The following CSMD2 variants were observed in gnomAD, a reference collection of about 807,000 sequenced individuals.
The protein encoded by CSMD2 is CUB and sushi domain-containing protein 2.
CSMD2 carries 130 observed loss-of-function variants against 398.5 expected under a neutral mutation model. The ratio of observed to expected loss-of-function variants is 0.33; its 90% CI spans 0.28 to 0.38. The LOEUF (loss-of-function observed/expected upper bound fraction) is 0.38, where lower values mean the gene tolerates loss of function less well. Among genes scored for constraint, CSMD2 ranks in the 10% least tolerant of loss-of-function variants. The probability of loss-of-function intolerance (pLI) is 1.00; values close to 1 mark genes in which losing one functional copy is unlikely to be tolerated. For synonymous variants in CSMD2, 1,828 were observed against 1,908.5 expected (o/e 0.96, Z 1.10); for missense variants, 3,829 against 4,764.9 (o/e 0.80, Z 5.78).
At chr1:33,788,977 A>G (rs1387879898) in intron 11 of CSMD2, among the ~76,000 whole-genome samples, 1 of 151,838 alleles carries the variant, frequency 6.6e-6, no homozygotes, top group Non-Finnish European at 1.5e-5. Context: ...TTGGGCTCAC[A>G]AGGGAGATCT....
intron 47 of CSMD2, among the ~76,000 whole-genome samples, chr1:33,582,299 A>G (rs1638779848): frequency 6.6e-6 from 1 of 152,226 alleles, no homozygotes; most frequent in Admixed American, 6.5e-5. Context: ...GGGATCTACG[A>G]AGATGGCTCA....
chr1:34,052,046 T>A (rs2148226463), intron 2 of CSMD2, among the ~76,000 whole-genome samples: 2 of 152,122 alleles, frequency 1.3e-5, no homozygotes, highest in South Asian at 4.2e-4. Context: ...TCTTCTCTCG[T>A]CTTCTGATGG....
chr1:34,047,997 C>T (rs1240443496), intron 2 of CSMD2, among the ~76,000 whole-genome samples: 1 of 152,216 alleles, frequency 6.6e-6, no homozygotes, highest in Non-Finnish European at 1.5e-5. Flanking sequence ...CAGATGCAGA[C>T]TTCATTTACT....
chr1:33,864,752 ATGG>A, intron 5 of CSMD2: 1 of 1,598,496 alleles, frequency 6.3e-7, no homozygotes, highest in South Asian at 1.1e-5. Context: ...GGCAGAGCTG[ATGG>A]ATCCAGTTTG....
chr1:33,633,510 A>G lies in CSMD2; in HGVS notation c.5112T>C (p.Phe1704=). 1.3e-6 allele frequency: 2 copies of G among 1,552,768 alleles called. No homozygotes were observed. The highest frequency in any genetic ancestry group is 2.4e-5 in the South Asian group (2 of 84,096). ...CCACCACGTCGTTGAGGGCCGTGTG[A>G]AAGAAGGCGAACTGGCCAAACACCA... is the stretch of plus-strand genomic sequence containing the variant. ...DYVVFGQFAF[F]HTALNDVVEV... Residue 1704 remains phenylalanine, a synonymous_variant, in exon 32 of 71, where the codon TTT becomes TTC. Transcript: ENST00000373381. The surrounding 1 kb of genome is among the most constrained non-coding windows in gnomAD (Gnocchi z 5.0).
intron 40 of CSMD2, among the ~76,000 whole-genome samples, chr1:33,612,687 T>C (rs1641090993): frequency 6.6e-6 from 1 of 151,620 alleles, no homozygotes. Context: ...TGATGGTTTT[T>C]TTTTTTTTTT....
chr1:34,103,540 C>T (rs1013431345), intron 1 of CSMD2, among the ~76,000 whole-genome samples: 2 of 152,036 alleles, frequency 1.3e-5, no homozygotes, highest in South Asian at 4.2e-4. Flanking sequence ...TGCGATTCGC[C>T]CACCTCGGCC....
intron 22 of CSMD2, among the ~76,000 whole-genome samples, chr1:33,706,815 T>C (rs529085106): frequency 6.6e-5 from 10 of 151,598 alleles, no homozygotes; most frequent in African/African-American, 2.4e-4. Flanking sequence ...TGCATGTGTT[T>C]GTGCGTGCGT....
chr1:33,900,461 T>G (rs1642674267), intron 5 of CSMD2, among the ~76,000 whole-genome samples: 1 of 152,178 alleles, frequency 6.6e-6, no homozygotes, highest in African/African-American at 2.4e-5. Context: ...CTTAATCTCT[T>G]TATGATAATA....
chr1:33,652,578 C>A (rs992366483), intron 27 of CSMD2, 117 bp from the exon 28 acceptor site: 5 of 1,210,150 alleles, frequency 4.1e-6, no homozygotes, highest in African/African-American at 3.0e-5. Context: ...TGAAGTTGAA[C>A]CTGGCTTAGG....
intron 4 of CSMD2, among the ~76,000 whole-genome samples, chr1:33,929,343 G>A (rs1049620869): frequency 6.7e-6 from 1 of 150,048 alleles, no homozygotes; most frequent in Non-Finnish European, 1.5e-5. Context: ...TATCCAGAGT[G>A]ATCTTTTAAA....
chr1:34,117,595 C>G (rs1251611350), intron 1 of CSMD2, among the ~76,000 whole-genome samples: 1 of 151,204 alleles, frequency 6.6e-6, no homozygotes, highest in African/African-American at 2.4e-5. Flanking sequence ...AGAACACTTC[C>G]AAAATAATTT....
intron 2 of CSMD2, among the ~76,000 whole-genome samples, chr1:34,067,339 C>G (rs773612920): frequency 1.3e-5 from 2 of 152,178 alleles, no homozygotes; most frequent in African/African-American, 2.4e-5. Flanking sequence ...AGATGTAAAT[C>G]TGAGCAAGGA....
At position 33,889,391 on chromosome 1, in the gene CSMD2, T is replaced by C. The variant is rs114135865; in HGVS notation, c.920+28703A>G. 3.4e-3 allele frequency among the ~76,000 whole-genome samples: 516 copies of C among 152,222 alleles called. 5 individuals carry two copies. Among genetic ancestry groups the C allele is most frequent in the African/African-American group, 0.012 (508 of 41,524 alleles). On this transcript the variant is annotated intron_variant, in intron 5 of 70. Transcript: ENST00000373381. ...AGATGGATAAAAACAAAACTTTAATTTGGAAAAGAGTTAGGGAAATAGCCA... is the reference window on the plus strand; with the variant it reads ...AGATGGATAAAAACAAAACTTTAATCTGGAAAAGAGTTAGGGAAATAGCCA...
intron 29 of CSMD2, among the ~76,000 whole-genome samples, chr1:33,642,120 G>A (rs1473828132): frequency 6.6e-6 from 1 of 152,046 alleles, no homozygotes; most frequent in Non-Finnish European, 1.5e-5. Flanking sequence ...GCCAAGGTGG[G>A]TGGATCACTG....
chr1:33,978,404 C>T (rs1646045574), intron 3 of CSMD2, among the ~76,000 whole-genome samples: 1 of 152,318 alleles, frequency 6.6e-6, no homozygotes, highest in Admixed American at 6.5e-5. Context: ...CGGTGCTGAG[C>T]ATGACACATC....
chr1:34,146,708 A>G (rs954408912), intron 1 of CSMD2, among the ~76,000 whole-genome samples: 3 of 152,216 alleles, frequency 2.0e-5, no homozygotes, highest in Non-Finnish European at 4.4e-5. Context: ...GATGAGTCCC[A>G]GGTTTCTGGC....
At chr1:34,109,576 C>T (rs1205057034) in intron 1 of CSMD2, among the ~76,000 whole-genome samples, 1 of 152,126 alleles carries the variant, frequency 6.6e-6, no homozygotes, top group African/African-American at 2.4e-5. Context: ...AAGAAACTAT[C>T]AACAGAGTAA....
Position 33,606,038 on chromosome 1 carries a change from G to A in CSMD2, c.6344-568C>T, listed in dbSNP as rs377265370. 49 of 1,573,588 alleles carry A rather than the reference G, an allele frequency of 3.1e-5. 1 individual carries two copies. In the Middle Eastern group the frequency reaches 6.9e-4, roughly 22 times the overall value. On this transcript the variant is annotated intron_variant, in intron 41 of 70. Coordinates refer to ENST00000373381, the MANE Select transcript of CSMD2 (RefSeq NM_001281956.2). ...AGAGGGAGTAGCTGGGCTAAGGGAC[G>A]TGTGGCTGTCACAAAGCAAGTCCCT...
Sources: allele counts gnomAD v4.1 joint callset (sites outside exome capture counted in the v4.1 genomes callset), GRCh38; gene constraint gnomAD v4.1.1; non-coding constraint Gnocchi (gnomAD v3.1); transcripts MANE v1.5; gene names NCBI Gene and HGNC (gene_info 2026-07-23, HGNC 2026-07-21).